ATG7: variants seen among roughly 807,000 people sequenced by gnomAD.
ATG7 encodes the protein autophagy related 7.
A neutral mutation model predicts 82.4 loss-of-function variants in ATG7; 70 were observed. The ratio of observed to expected loss-of-function variants is 0.85; its 90% CI spans 0.70 to 1.04. ATG7 has a LOEUF of 1.04. ATG7 is among the 50% of genes least tolerant of loss of function. ATG7 has a pLI of 0.00. For missense variants in ATG7, 792 were observed against 864.3 expected (o/e 0.92, Z 1.05); for synonymous variants, 287 against 313.0 (o/e 0.92, Z 0.88).
chr3:11,420,893 C>G (rs1409942392), intron 19 of ATG7, among the ~76,000 whole-genome samples: 4 of 151,484 alleles, frequency 2.6e-5, no homozygotes, highest in African/African-American at 9.7e-5. Flanking sequence ...GTAGCTGGGA[C>G]TACAGGTGTA....
Position 11,294,231 on chromosome 3 carries a change from TTTTTA to T in ATG7, c.-10-4440_-10-4436del, listed in dbSNP as rs1361473016. Among the ~76,000 whole-genome samples, 35 of 152,022 alleles carry T rather than the reference TTTTTA, an allele frequency of 2.3e-4. No homozygotes were observed. In the South Asian group the frequency reaches 3.5e-3, roughly 15 times the overall value. ...TCAAATCCTCAAATCACCTGTTTTC[TTTTTA>T]TTTTATTTTATTTTTTTTTGAAATG... On this transcript the variant is annotated intron_variant, in intron 3 of 20. Transcript: ENST00000693202.
At chr3:11,531,795 T>C (rs1472368188) in intron 20 of ATG7, among the ~76,000 whole-genome samples, 1 of 149,188 alleles carries the variant, frequency 6.7e-6, no homozygotes, top group Non-Finnish European at 1.5e-5. Context: ...GCCCAGGAGG[T>C]TGAGGCTGCA....
At chr3:11,436,927 C>T (rs986614121) in intron 20 of ATG7, among the ~76,000 whole-genome samples, 8 of 152,176 alleles carry the variant, frequency 5.3e-5, no homozygotes, top group African/African-American at 1.7e-4. Flanking sequence ...AAGGGAAAAT[C>T]AGTGGCTACT....
the ATG7 span, among the ~76,000 whole-genome samples, chr3:11,565,306 A>C: frequency 6.6e-6 from 1 of 151,834 alleles, no homozygotes; most frequent in Admixed American, 6.6e-5. This position sits in a 1 kb window ranked among gnomAD's most constrained non-coding sequence, Gnocchi z 4.1. Context: ...CTTCTATAAT[A>C]ATCTCCACTC....
At chr3:11,561,140 C>T (rs914681689), downstream of ATG7, among the ~76,000 whole-genome samples, 3 of 152,148 alleles carry the variant, frequency 2.0e-5, no homozygotes, top group East Asian at 3.9e-4. Flanking sequence ...CCCCCAGGGT[C>T]CTCCCAATAA....
intron 7 of ATG7, among the ~76,000 whole-genome samples, chr3:11,311,663 T>G (rs1426771385): frequency 1.3e-5 from 2 of 151,954 alleles, no homozygotes; most frequent in Admixed American, 6.6e-5. Context: ...AACCTTTTAC[T>G]AAATATCGGT....
intron 19 of ATG7, among the ~76,000 whole-genome samples, chr3:11,425,737 A>C (rs189363710): frequency 2.3e-4 from 35 of 152,358 alleles, no homozygotes; most frequent in African/African-American, 8.4e-4. Flanking sequence ...ATTCTCAAGA[A>C]GTACACCTTA....
At position 11,319,256 on chromosome 3, in the gene ATG7, T is replaced by C. The variant is rs187239978; in HGVS notation, c.678+3763T>C. Reference sequence around the variant, plus strand: ...ACCTTGTTCACTCTCTTTAGCATGATTCCAGTTTCCCTTCGAGCCACGACA... The same window carrying C: ...ACCTTGTTCACTCTCTTTAGCATGACTCCAGTTTCCCTTCGAGCCACGACA... On this transcript the variant is annotated intron_variant, in intron 9 of 20. Transcript: ENST00000693202. Among the ~76,000 whole-genome samples, 5 of 152,256 alleles carry C rather than the reference T, an allele frequency of 3.3e-5. 1 individual carries two copies. Among genetic ancestry groups the C allele is most frequent in the Admixed American group, 3.3e-4 (5 of 15,286 alleles).
chr3:11,371,953 T>G (rs1389643366), intron 18 of ATG7, among the ~76,000 whole-genome samples: 2 of 151,326 alleles, frequency 1.3e-5, no homozygotes, highest in Non-Finnish European at 2.9e-5. Context: ...GCTGTCCAGC[T>G]GGGAACAGCC....
At chr3:11,293,712 A>G (rs1238636652) in intron 3 of ATG7, among the ~76,000 whole-genome samples, 8 of 145,258 alleles carry the variant, frequency 5.5e-5, no homozygotes, top group Non-Finnish European at 1.5e-5. Context: ...AGGGCCAGGC[A>G]TGGTGGCTCA....
At chr3:11,547,770 T>A (rs2071416826) in intron 20 of ATG7, among the ~76,000 whole-genome samples, 1 of 152,262 alleles carries the variant, frequency 6.6e-6, no homozygotes, top group Admixed American at 6.5e-5. Flanking sequence ...GATGACTAAT[T>A]ATGTTTGAGT....
At chr3:11,338,308 A>G (rs1420311911) in intron 11 of ATG7, among the ~76,000 whole-genome samples, 2 of 152,198 alleles carry the variant, frequency 1.3e-5, no homozygotes, top group East Asian at 1.9e-4. Context: ...TTATGGCTGC[A>G]TAGTATTTCA....
chr3:11,332,030 A>G (rs764679399), intron 10 of ATG7, among the ~76,000 whole-genome samples: 1 of 152,366 alleles, frequency 6.6e-6, no homozygotes, highest in Middle Eastern at 3.4e-3. Flanking sequence ...ACTCTCAAGT[A>G]TATTACTCAC....
At chr3:11,308,912 C>A in intron 6 of ATG7, 72 bp from the exon 7 acceptor site, 1 of 1,402,208 alleles carries the variant, frequency 7.1e-7, no homozygotes, top group Non-Finnish European at 1.0e-6. Flanking sequence ...TTTTCAGCTC[C>A]ACACTTCACC....
rs1386943052 is a variant in ATG7 at position 11,422,769 on chromosome 3, T to TTTTTG, written c.1957-4035_1957-4034insTTTTG. Among the ~76,000 whole-genome samples, 48 of 102,696 alleles carry TTTTTG rather than the reference T, an allele frequency of 4.7e-4. 10 individuals are homozygous for TTTTTG. The highest frequency in any genetic ancestry group is 1.9e-3 in the African/African-American group (48 of 25,270). 67.4% of individuals were successfully genotyped at this position (102,696 alleles called of 152,430 possible). On this transcript the variant is annotated intron_variant, in intron 19 of 20. Transcript: ENST00000693202. ...TTTTTTTTTTTTTTTTTTTTTTTTT[T>TTTTTG]GGAGACAGAGTCTCACTCCGTTGCC... is the stretch of plus-strand genomic sequence containing the variant.
At chr3:11,502,958 A>G (rs1575084791) in intron 20 of ATG7, among the ~76,000 whole-genome samples, 1 of 152,262 alleles carries the variant, frequency 6.6e-6, no homozygotes, top group East Asian at 1.9e-4. Context: ...ATTAGGATAC[A>G]CCAGCCAGAG....
At chr3:11,573,423 C>T in the ATG7 span, among the ~76,000 whole-genome samples, 3 of 152,022 alleles carry the variant, frequency 2.0e-5, no homozygotes, top group Admixed American at 2.0e-4. Context: ...CTTAAGTCCT[C>T]AGACATGTGT....
intron 11 of ATG7, among the ~76,000 whole-genome samples, chr3:11,337,486 CTCTATA>C (rs912720582): frequency 2.2e-5 from 3 of 139,444 alleles, no homozygotes; most frequent in African/African-American, 9.7e-5. Context: ...CTCTCTCTCT[CTCTATA>C]TATATATATA....
intron 5 of ATG7, chr3:11,304,408 A>G (rs564221570): frequency 8.5e-4 from 130 of 152,352 alleles, no homozygotes; most frequent in African/African-American, 2.9e-3. Context: ...GATGTTACAA[A>G]CAGAAACTCT....
Sources: allele counts gnomAD v4.1 joint callset (sites outside exome capture counted in the v4.1 genomes callset), GRCh38; gene constraint gnomAD v4.1.1; non-coding constraint Gnocchi (gnomAD v3.1); transcripts MANE v1.5; gene names NCBI Gene and HGNC (gene_info 2026-07-23, HGNC 2026-07-21).